Variants in TNRC6C observed in about 807,000 individuals in gnomAD.
The protein encoded by TNRC6C is trinucleotide repeat-containing gene 6C protein.
TNRC6C carries 20 observed loss-of-function variants against 153.7 expected under a neutral mutation model. The observed-to-expected ratio is 0.13, with a 90% CI of 0.09 to 0.19. TNRC6C has a LOEUF of 0.19. Ranked by LOEUF, TNRC6C falls within the 10% of genes least tolerant of loss-of-function variation. The pLI is 1.00. For synonymous variants in TNRC6C, 811 were observed against 841.4 expected, an observed-to-expected ratio of 0.96 and a Z score of 0.63; for missense variants, 1,987 against 2,172.0, an observed-to-expected ratio of 0.91 and a Z score of 1.69.
intron 13 of TNRC6C, among the ~76,000 whole-genome samples, chr17:78,089,055 C>T (rs2144529933): frequency 6.6e-6 from 1 of 150,620 alleles, no homozygotes; most frequent in Admixed American, 6.6e-5. Flanking sequence ...GCAACCTCCA[C>T]CTTCTGGATT....
At chr17:77,979,488 A>C (rs2071044108) in intron 1 of TNRC6C, among the ~76,000 whole-genome samples, 1 of 152,232 alleles carries the variant, frequency 6.6e-6, no homozygotes, top group East Asian at 1.9e-4. Flanking sequence ...AGAAAAAATT[A>C]GTAAACTAGA....
Position 78,049,398 on chromosome 17 carries a change from TGGACATGAA to T in TNRC6C, c.340_348del (p.His114_Gly116del). 1 of 1,614,018 alleles carries T rather than the reference TGGACATGAA, an allele frequency of 6.2e-7. No homozygotes were observed. Among genetic ancestry groups the T allele is most frequent in the Non-Finnish European group, 8.5e-7 (1 of 1,179,892 alleles). ...CCAACCCAGCTGCCTGGCCTGTACT[TGGACATGAA>T]GGAACCGTGGCGACAGGCAACCCTT... is the stretch of plus-strand genomic sequence containing the variant. On this transcript the variant is annotated inframe_deletion, in exon 3 of 20. Coordinates refer to ENST00000301624, the Ensembl canonical transcript of TNRC6C. This position sits in a 1 kb window ranked among gnomAD's most constrained non-coding sequence, Gnocchi z 4.1.
Position 78,075,299 on chromosome 17 carries a change from T to C in TNRC6C, c.3060+21T>C. On this transcript the variant is annotated intron_variant, in intron 8 of 19. Transcript: ENST00000301624. This position sits in a 1 kb window ranked among gnomAD's most constrained non-coding sequence, Gnocchi z 4.2. ...ACAAGGTATGAATATAGGTGGTTTG[T>C]TGTTTTTGCTTTTTTAACAAGAGGA... 1.3e-6 allele frequency: 2 copies of C among 1,556,090 alleles called. No individual in the cohort carries two copies. The highest frequency in any genetic ancestry group is 1.2e-5 in the South Asian group (1 of 84,846).
rs1304009612 is a variant in TNRC6C at position 78,049,998 on chromosome 17, A to C, written c.936A>C (p.Gly312=). The change falls in exon 3 of 20, where the codon GGA becomes GGC. Residue 312 remains glycine, a synonymous_variant. Coordinates refer to ENST00000301624, the Ensembl canonical transcript of TNRC6C. The surrounding 1 kb of genome is among the most constrained non-coding windows in gnomAD (Gnocchi z 4.1). ...CTGGTCCTGGAATACTCGCCTGGGG[A>C]AGGGGCAGTGGCAACAATGGCGTTG... 1 of 1,613,810 alleles carries C rather than the reference A, an allele frequency of 6.2e-7. No homozygotes were observed. The highest frequency in any genetic ancestry group is 2.2e-5 in the East Asian group (1 of 44,898).
At chr17:78,027,135 C>T (rs1327603559) in intron 1 of TNRC6C, among the ~76,000 whole-genome samples, 2 of 151,992 alleles carry the variant, frequency 1.3e-5, no homozygotes, top group African/African-American at 4.8e-5. Context: ...ATAAAGACAA[C>T]CTGAGGGGTC....
At chr17:78,042,171 A>C (rs148083261) in intron 2 of TNRC6C, among the ~76,000 whole-genome samples, 111 of 152,292 alleles carry the variant, frequency 7.3e-4, no homozygotes, top group Middle Eastern at 3.4e-3. Context: ...TTTTATAGAC[A>C]CCTATTTATA....
intron 2 of TNRC6C, among the ~76,000 whole-genome samples, chr17:78,044,669 T>G (rs1263245396): frequency 6.6e-6 from 1 of 152,250 alleles, no homozygotes; most frequent in Non-Finnish European, 1.5e-5. Flanking sequence ...CATCACCTAT[T>G]TTTGGAAATA....
intron 16 of TNRC6C, among the ~76,000 whole-genome samples, chr17:78,096,644 G>A (rs567516899): frequency 6.6e-4 from 100 of 152,322 alleles, no homozygotes; most frequent in African/African-American, 2.2e-3. Flanking sequence ...GAAACCGTCC[G>A]ATTCTGTTTA....
Position 78,005,869 on chromosome 17 carries a change from TA to T in TNRC6C, c.-546+800del, listed in dbSNP as rs200817030. On this transcript the variant is annotated intron_variant, in intron 1 of 19. Coordinates refer to ENST00000301624, the Ensembl canonical transcript of TNRC6C. ...TTATTTGTCAATTCAAAATAAAATGTAAAAAAAAAAGACTAATTGAGATCAT... is the reference window on the plus strand; with the variant it reads ...TTATTTGTCAATTCAAAATAAAATGTAAAAAAAAAGACTAATTGAGATCAT... Among the ~76,000 whole-genome samples, 158 of 147,800 alleles carry T rather than the reference TA, an allele frequency of 1.1e-3. 4 individuals carry two copies. The South Asian group carries it at 0.029, about 27-fold the overall frequency.
chr17:78,084,673 G>GGC (rs2073247701), intron 11 of TNRC6C, among the ~76,000 whole-genome samples: 1 of 147,138 alleles, frequency 6.8e-6, no homozygotes, highest in African/African-American at 2.5e-5. Context: ...CTGTTGCCCA[G>GGC]GCTGGAGTGC....
chr17:77,991,867 G>A (rs773898302), intron 1 of TNRC6C, among the ~76,000 whole-genome samples: 7 of 152,180 alleles, frequency 4.6e-5, no homozygotes, highest in Non-Finnish European at 8.8e-5. Flanking sequence ...TGGATGCAGC[G>A]TATGCTTGAA....
exon 20 of TNRC6C, chr17:78,105,912 G>C (rs773506472): frequency 9.2e-5 from 14 of 152,192 alleles, no homozygotes; most frequent in Non-Finnish European, 1.8e-4. Flanking sequence ...AGGACTCTGT[G>C]ACTGCGTTTA....
chr17:78,051,310 C>A (rs1301381141), exon 3 of TNRC6C: 4 of 1,551,646 alleles, frequency 2.6e-6, no homozygotes, highest in Non-Finnish European at 3.5e-6. Context: ...TAGAAACAAC[C>A]CGGTCATCCA....
At chr17:77,971,867 TAAA>T (rs60316098) in intron 1 of TNRC6C, among the ~76,000 whole-genome samples, 14 of 142,448 alleles carry the variant, frequency 9.8e-5, no homozygotes, top group African/African-American at 1.0e-4. Context: ...TTAAGTGAGT[TAAA>T]AAAAAAAAAA....
rs1180122466 is a variant in TNRC6C at position 77,972,631 on chromosome 17, A to G, written c.-38+13363A>G. On this transcript the variant is annotated intron_variant, in intron 1 of 22. Transcript: ENST00000636222. ...GATTTAGATGAAAGTACAAATTCCTAGGAATAGACAAATTAACAAAAATTG... is the reference window on the plus strand; with the variant it reads ...GATTTAGATGAAAGTACAAATTCCTGGGAATAGACAAATTAACAAAAATTG... Among the ~76,000 whole-genome samples, 6 of 152,226 alleles carry G rather than the reference A, an allele frequency of 3.9e-5. No individual in the cohort carries two copies. In the East Asian group the frequency reaches 1.2e-3, roughly 29 times the overall value.
At chr17:78,072,837 T>G (rs2073021697) in intron 6 of TNRC6C, among the ~76,000 whole-genome samples, 200 bp from the exon 9 acceptor site, 1 of 152,254 alleles carries the variant, frequency 6.6e-6, no homozygotes, top group Admixed American at 6.5e-5. Context: ...GGCTTTACTT[T>G]GAAAATCAAG....
At chr17:77,961,224 C>T (rs2070859570) in intron 1 of TNRC6C, among the ~76,000 whole-genome samples, 2 of 150,688 alleles carry the variant, frequency 1.3e-5, no homozygotes, top group African/African-American at 4.9e-5. Flanking sequence ...GGCACGATCT[C>T]GGGTCACTGC....
chr17:78,101,687 A>G (rs967308540), intron 17 of TNRC6C, among the ~76,000 whole-genome samples: 1 of 152,168 alleles, frequency 6.6e-6, no homozygotes, highest in African/African-American at 2.4e-5. Context: ...ATTAACTACA[A>G]GTATCCCTTA....
At chr17:78,034,567 C>T (rs1355183072) in intron 2 of TNRC6C, among the ~76,000 whole-genome samples, 2 of 152,110 alleles carry the variant, frequency 1.3e-5, no homozygotes, top group Non-Finnish European at 2.9e-5. Context: ...AATATGCCCA[C>T]TTTGTAACAT....
Sources: allele counts gnomAD v4.1 joint callset (sites outside exome capture counted in the v4.1 genomes callset), GRCh38; gene constraint gnomAD v4.1.1; non-coding constraint Gnocchi (gnomAD v3.1); transcripts MANE v1.5; gene names NCBI Gene and HGNC (gene_info 2026-07-23, HGNC 2026-07-21).